Variants in MVK observed in about 807,000 individuals in gnomAD.
MVK encodes mevalonate kinase.
In MVK, 34 loss-of-function variants were observed where a neutral mutation model predicts 43.2. That is an observed-to-expected ratio of 0.79 (90% CI 0.60 to 1.05). The LOEUF is 1.05. Among genes scored for constraint, MVK ranks in the 50% least tolerant of loss-of-function variants. The pLI is 0.00. For synonymous variants in MVK, 190 were observed against 219.8 expected (o/e 0.86, Z 1.20); for missense variants, 395 against 504.0 (o/e 0.78, Z 2.07).
intron 9 of MVK, among the ~76,000 whole-genome samples, chr12:109,594,608 C>T (rs981968797): frequency 2.6e-5 from 4 of 152,176 alleles, no homozygotes; most frequent in African/African-American, 7.2e-5. Flanking sequence ...GTCCATCTGC[C>T]ACGTAATATC....
At position 109,596,468 on chromosome 12, in the gene MVK, C is replaced by T. The variant is rs1223996666; in HGVS notation, c.1082C>T (p.Thr361Ile). ...GTGGAGGCCACGAAGCAGGCCCTGA[C>T]CAGCTGTGGCTTTGACTGCTTGGAA... ...PEVEATKQAL[T>I]SCGFDCLETS... The change falls in exon 11 of 11, where the codon ACC (threonine) becomes ATC (isoleucine). Residue 361 changes from threonine to isoleucine, a missense_variant. Coordinates refer to ENST00000228510, the MANE Select transcript of MVK (RefSeq NM_000431.4). 1.2e-6 allele frequency: 2 copies of T among 1,613,692 alleles called. No homozygotes were observed. The highest frequency in any genetic ancestry group is 3.3e-5 in the Admixed American group (2 of 60,028).
Position 109,594,415 on chromosome 12 carries a change from C to G in MVK, c.886-613C>G, listed in dbSNP as rs536735099. 2.0e-5 allele frequency among the ~76,000 whole-genome samples: 3 copies of G among 152,316 alleles called. No homozygotes were observed. In the South Asian group the frequency reaches 6.2e-4, roughly 32 times the overall value. Reference sequence around the variant, plus strand: ...TTACACCTAGTTCTTATTCTGAAACCAGTCCCCAAGGCAGCTGTAGGGAGG... The same window carrying G: ...TTACACCTAGTTCTTATTCTGAAACGAGTCCCCAAGGCAGCTGTAGGGAGG... On this transcript the variant is annotated intron_variant, in intron 9 of 10. Transcript: ENST00000228510.
chr12:109,573,829 T>C lies in MVK; in HGVS notation c.-59T>C. 1 of 232,350 alleles carries C rather than the reference T, an allele frequency of 4.3e-6. No individual in the cohort carries two copies. The highest frequency in any genetic ancestry group is 8.3e-6 in the Non-Finnish European group (1 of 119,984). The allele number at this position is 232,350 out of a possible 1,614,324, so 14.4% of individuals were successfully genotyped here. ...GTGGGAGTTGGGGAGCTGCTCCGGC[T>C]TCGGCGCGGAGGGGCGGCGGCCGGG... On this transcript the variant is annotated 5_prime_UTR_variant, in exon 1 of 11. Transcript: ENST00000228510.
intron 6 of MVK, 36 bp downstream of exon 6, chr12:109,586,161 T>C (rs2136237129): frequency 3.3e-6 from 5 of 1,529,186 alleles, no homozygotes; most frequent in African/African-American, 1.4e-5. Context: ...ATTGTTGTTA[T>C]TTTAAAAATT....
intron 5 of MVK, among the ~76,000 whole-genome samples, chr12:109,584,761 T>G (rs1460315873): frequency 1.3e-5 from 2 of 152,156 alleles, no homozygotes; most frequent in Non-Finnish European, 1.5e-5. Flanking sequence ...GGCAGGCGCC[T>G]GTAATCCCAG....
intron 5 of MVK, among the ~76,000 whole-genome samples, chr12:109,585,677 G>A (rs574407150): frequency 1.6e-3 from 241 of 152,220 alleles, no homozygotes; most frequent in African/African-American, 5.5e-3. Context: ...GCTGAGGCAG[G>A]AGAATTGCTT....
intron 7 of MVK, chr12:109,589,440 C>T (rs993035558): frequency 1.3e-5 from 2 of 152,162 alleles, no homozygotes; most frequent in African/African-American, 4.8e-5. Context: ...CCCCCACCAA[C>T]CATGCGTGGT....
rs984565591 is a variant in MVK, at chr12:109,595,534, C to T, written c.1039+353C>T. ...TGCCTAACCTTGCCCCACTTGTACC[C>T]TTGATGTGGTCAGGATGCGGTTGAT... is the stretch of plus-strand genomic sequence containing the variant. On this transcript the variant is annotated intron_variant, in intron 10 of 10. Coordinates refer to ENST00000228510, the MANE Select transcript of MVK (RefSeq NM_000431.4). The surrounding 1 kb of genome is among the most constrained non-coding windows in gnomAD (Gnocchi z 5.9). Among the ~76,000 whole-genome samples, 4 of 152,106 alleles carry T rather than the reference C, an allele frequency of 2.6e-5. No individual in the cohort carries two copies. The highest frequency in any genetic ancestry group is 5.9e-5 in the Non-Finnish European group (4 of 68,026).
At chr12:109,574,661 T>C (rs1884844472) in intron 1 of MVK, 148 bp from the exon 2 acceptor site, 1 of 708,568 alleles carries the variant, frequency 1.4e-6, no homozygotes, top group Admixed American at 2.1e-5. Context: ...AGTTGACTCC[T>C]GCATTGCCTT....
chr12:109,585,362 G>T (rs1336699900), intron 5 of MVK, among the ~76,000 whole-genome samples: 1 of 152,204 alleles, frequency 6.6e-6, no homozygotes, highest in Non-Finnish European at 1.5e-5. Context: ...CCTGCTGCTT[G>T]TGGACACCTT....
At chr12:109,591,990 T>C (rs921214618) in intron 9 of MVK, among the ~76,000 whole-genome samples, 1 of 152,126 alleles carries the variant, frequency 6.6e-6, no homozygotes, top group Non-Finnish European at 1.5e-5. Context: ...TCACCTGTAG[T>C]ATTAGCACTT....
chr12:109,585,976 C>T (rs1013598362), intron 5 of MVK, 46 bp from the exon 6 acceptor site: 6 of 1,538,560 alleles, frequency 3.9e-6, no homozygotes, highest in Middle Eastern at 1.8e-4. Context: ...CCCTCCCCAG[C>T]CCCACTCCTC....
chr12:109,592,248 G>T (rs1885719793), intron 9 of MVK, among the ~76,000 whole-genome samples: 1 of 152,222 alleles, frequency 6.6e-6, no homozygotes, highest in Non-Finnish European at 1.5e-5. Context: ...AGTCTCATGG[G>T]TGACACGCAA....
Position 109,579,691 on chromosome 12 carries a change from G to A in MVK, c.227-111G>A. 1.6e-5 allele frequency: 23 copies of A among 1,429,706 alleles called. No homozygotes were observed. In the South Asian group the frequency reaches 2.6e-4, roughly 16 times the overall value. The allele number at this position is 1,429,706 out of a possible 1,614,324, so 88.6% of individuals were successfully genotyped here. ...TGTGGGGTTCAGACCATAAATTCGT[G>A]TCCATCCATGTTCCAATTCCAGTGA... On this transcript the variant is annotated intron_variant, in intron 3 of 10. Coordinates refer to ENST00000228510, the MANE Select transcript of MVK (RefSeq NM_000431.4).
rs1187628111 is a variant in MVK at position 109,595,714 on chromosome 12, C to T, written c.1039+533C>T. On this transcript the variant is annotated intron_variant, in intron 10 of 10. Coordinates refer to ENST00000228510, the MANE Select transcript of MVK (RefSeq NM_000431.4). This position sits in a 1 kb window ranked among gnomAD's most constrained non-coding sequence, Gnocchi z 5.9. ...CCTGACACCTACCTCTGCCCTCAGGCTCGCTCCTGGCCTACAGTAGGCACT... is the reference window on the plus strand; with the variant it reads ...CCTGACACCTACCTCTGCCCTCAGGTTCGCTCCTGGCCTACAGTAGGCACT... 1.3e-5 allele frequency among the ~76,000 whole-genome samples: 2 copies of T among 152,204 alleles called. No homozygotes were observed. The highest frequency in any genetic ancestry group is 1.3e-4 in the Admixed American group (2 of 15,286).
chr12:109,574,576 A>C (rs1884840516), intron 1 of MVK, among the ~76,000 whole-genome samples: 1 of 152,186 alleles, frequency 6.6e-6, no homozygotes, highest in African/African-American at 2.4e-5. Flanking sequence ...TTAGCCATTT[A>C]AGTGAGTTAA....
intron 4 of MVK, 101 bp from the exon 5 acceptor site, chr12:109,581,294 G>A (rs957252099): frequency 2.7e-6 from 4 of 1,482,344 alleles, no homozygotes; most frequent in Non-Finnish European, 3.8e-6. Context: ...GAGAAAACTG[G>A]ACCAGATGCT....
At position 109,597,709 on chromosome 12, in the gene MVK, C is replaced by T. The variant is rs1033737851; in HGVS notation, c.*1132C>T. The T allele has an allele frequency of 6.6e-6, 1 of 152,248 alleles. No individual in the cohort carries two copies. Among genetic ancestry groups the T allele is most frequent in the Non-Finnish European group, 1.5e-5 (1 of 68,052 alleles). The allele number at this position is 152,248 out of a possible 1,614,324, so 9.4% of individuals were successfully genotyped here. On this transcript the variant is annotated 3_prime_UTR_variant, in exon 11 of 11. Coordinates refer to ENST00000228510, the MANE Select transcript of MVK (RefSeq NM_000431.4). ...ACTTTATATTGCAGTCAGCTTGGTG[C>T]TTTCCGAAATGCCATTAGCCATCAG... is the stretch of plus-strand genomic sequence containing the variant.
At position 109,574,801 on chromosome 12, in the gene MVK, C is replaced by T. The variant is rs756448647; in HGVS notation, c.-14-8C>T. The stretch of plus-strand genomic sequence containing the variant: ...ATCTTTGCTCTTCTCATTGGCTTTC[C>T]CTTTTAGGATTCCCAGGAGCCATGT... On this transcript the variant is annotated splice_polypyrimidine_tract_variant and splice_region_variant and intron_variant, in intron 1 of 10. Transcript: ENST00000228510. 3.2e-6 allele frequency: 5 copies of T among 1,580,926 alleles called. No individual in the cohort carries two copies. In the African/African-American group the frequency reaches 4.0e-5, roughly 13 times the overall value.
Sources: allele counts gnomAD v4.1 joint callset (sites outside exome capture counted in the v4.1 genomes callset), GRCh38; gene constraint gnomAD v4.1.1; non-coding constraint Gnocchi (gnomAD v3.1); transcripts MANE v1.5; gene names NCBI Gene and HGNC (gene_info 2026-07-23, HGNC 2026-07-21).